The following RBFOX2 variants were observed in gnomAD, a reference collection of about 807,000 sequenced individuals.
RBFOX2 encodes the protein RNA binding fox-1 homolog 2.
In RBFOX2, 10 loss-of-function variants were observed where a neutral mutation model predicts 49.1. That is an observed-to-expected ratio of 0.20 (90% confidence interval 0.13 to 0.35). The LOEUF (loss-of-function observed/expected upper bound fraction) is 0.35. Ranked by LOEUF, RBFOX2 falls within the 10% of genes least tolerant of loss-of-function variation. RBFOX2 has a pLI of 1.00. For missense variants in RBFOX2, 323 were observed against 486.9 expected (o/e 0.66, Z 3.17); for synonymous variants, 183 against 187.4 (o/e 0.98, Z 0.19).
intron 1 of RBFOX2, among the ~76,000 whole-genome samples, chr22:35,938,537 C>G (rs2053354340): frequency 6.6e-6 from 1 of 152,048 alleles, no homozygotes. Context: ...GTCCAGCATT[C>G]AGAATTATAA....
chr22:35,823,632 CCA>C (rs1336087564), intron 1 of RBFOX2, among the ~76,000 whole-genome samples: 2 of 152,052 alleles, frequency 1.3e-5, no homozygotes, highest in Non-Finnish European at 2.9e-5. Flanking sequence ...TCTGTTAATT[CCA>C]GTTTCCTGTA....
In RBFOX2 at chr22:35,766,393, T is replaced by C. The variant is rs534939808; in HGVS notation, c.547-910A>G. Among the ~76,000 whole-genome samples the C allele has an allele frequency of 5.3e-5, 8 of 152,344 alleles. No individual in the cohort carries two copies. In the South Asian group the frequency reaches 1.4e-3, roughly 28 times the overall value. ...AAAAGAAGCATAAAATATAAATGTC[T>C]TATTTTTGCCTCTTCAAATTTACAT... is the stretch of plus-strand genomic sequence containing the variant. On this transcript the variant is annotated intron_variant, in intron 5 of 11. Transcript: ENST00000405409.
intron 1 of RBFOX2, among the ~76,000 whole-genome samples, chr22:35,977,754 ATATATATAC>A: frequency 7.4e-6 from 1 of 135,812 alleles, no homozygotes; most frequent in African/African-American, 2.6e-5. Context: ...ATATATATAT[ATATATATAC>A]ATGCACACAC....
chr22:35,837,509 G>GCA (rs560302690), intron 1 of RBFOX2, among the ~76,000 whole-genome samples: 6,100 of 149,330 alleles, frequency 0.041, 162 homozygotes, highest in Middle Eastern at 0.073. Flanking sequence ...ACACACATGT[G>GCA]CACACACACA....
chr22:35,777,248 G>A (rs1264558865), intron 4 of RBFOX2, among the ~76,000 whole-genome samples: 2 of 152,132 alleles, frequency 1.3e-5, no homozygotes, highest in African/African-American at 4.8e-5. Context: ...CTGACCTCAG[G>A]TGATCCGCCC....
intron 1 of RBFOX2, among the ~76,000 whole-genome samples, chr22:36,015,861 G>C (rs1216037068): frequency 6.6e-6 from 1 of 152,082 alleles, no homozygotes; most frequent in Non-Finnish European, 1.5e-5. Context: ...AGAAGGAAAA[G>C]AAAGAAAAAG....
In RBFOX2 at chr22:35,930,204, A is replaced by G. The variant is rs377315181; in HGVS notation, c.-34+8643T>C. ...CCCCACTAATTTTTGTATTTTTAGT[A>G]GAGATAGGGTTTCCCCATGTTGGCC... On this transcript the variant is annotated intron_variant, in intron 1 of 13. Transcript: ENST00000359369. Among the ~76,000 whole-genome samples the G allele has an allele frequency of 7.9e-5, 12 of 151,834 alleles. No individual in the cohort carries two copies. The East Asian group carries it at 2.2e-3, about 27-fold the overall frequency.
chr22:35,972,148 T>C (rs1367058986), intron 1 of RBFOX2, among the ~76,000 whole-genome samples: 4 of 152,024 alleles, frequency 2.6e-5, no homozygotes, highest in African/African-American at 9.7e-5. Flanking sequence ...CCAAACAGTA[T>C]AGTCTTCATG....
intron 1 of RBFOX2, chr22:35,822,094 G>A: frequency 2.3e-6 from 1 of 440,582 alleles, no homozygotes; most frequent in Non-Finnish European, 4.5e-6. Flanking sequence ...TCCTGAGATG[G>A]TACTCCCCAA....
intron 1 of RBFOX2, among the ~76,000 whole-genome samples, chr22:35,937,352 T>TAA (rs1412477650): frequency 9.9e-5 from 15 of 152,182 alleles, no homozygotes; most frequent in African/African-American, 3.6e-4. Context: ...TAAATGGCCC[T>TAA]ATCTTTTACC....
chr22:35,945,925 C>T (rs1268432026), intron 1 of RBFOX2, among the ~76,000 whole-genome samples: 1 of 152,194 alleles, frequency 6.6e-6, no homozygotes, highest in Non-Finnish European at 1.5e-5. Flanking sequence ...AAAACTCATT[C>T]TACCTCCCTA....
intron 2 of RBFOX2, among the ~76,000 whole-genome samples, chr22:35,802,536 T>G (rs184251456): frequency 6.6e-6 from 1 of 152,272 alleles, no homozygotes; most frequent in East Asian, 1.9e-4. Context: ...CTTAGTTTTA[T>G]CAGGTGAGGG....
chr22:35,905,630 T>C (rs1419409161), intron 1 of RBFOX2, among the ~76,000 whole-genome samples: 1 of 152,190 alleles, frequency 6.6e-6, no homozygotes, highest in African/African-American at 2.4e-5. Flanking sequence ...CCCTTGAATA[T>C]GAATGAATGC....
chr22:35,777,530 C>T (rs1944238240), intron 4 of RBFOX2: 1 of 155,240 alleles, frequency 6.4e-6, no homozygotes, highest in Non-Finnish European at 1.4e-5. Flanking sequence ...AGTTATTGCT[C>T]ACTCTGTTTA....
At chr22:35,983,603 C>T (rs2057565432) in intron 1 of RBFOX2, among the ~76,000 whole-genome samples, 1 of 152,036 alleles carries the variant, frequency 6.6e-6, no homozygotes, top group Non-Finnish European at 1.5e-5. Context: ...GAGAATGACC[C>T]AGAGATGTTA....
intron 1 of RBFOX2, chr22:35,821,968 A>C (rs767388321): frequency 3.9e-6 from 2 of 518,554 alleles, no homozygotes; most frequent in African/African-American, 3.9e-5. Context: ...ACAGAGAAGC[A>C]ATAGCTCTAC....
At chr22:35,782,152 T>G (rs572844587) in intron 2 of RBFOX2, among the ~76,000 whole-genome samples, 2 of 152,228 alleles carry the variant, frequency 1.3e-5, no homozygotes, top group Non-Finnish European at 2.9e-5. Context: ...TACTTAGTTA[T>G]GGAGGTCACT....
At chr22:35,861,381 T>C (rs1395582711) in intron 1 of RBFOX2, among the ~76,000 whole-genome samples, 3 of 152,116 alleles carry the variant, frequency 2.0e-5, no homozygotes, top group South Asian at 2.1e-4. Context: ...TGAGAGAAAA[T>C]GCTTGCAAAG....
chr22:36,014,353 G>A (rs911416501), intron 1 of RBFOX2, among the ~76,000 whole-genome samples: 3 of 151,892 alleles, frequency 2.0e-5, no homozygotes, highest in Middle Eastern at 3.2e-3. Context: ...CTCGTGATCC[G>A]CCCGCCTCAG....
Sources: allele counts gnomAD v4.1 joint callset (sites outside exome capture counted in the v4.1 genomes callset), GRCh38; gene constraint gnomAD v4.1.1; transcripts MANE v1.5; gene names NCBI Gene and HGNC (gene_info 2026-07-23, HGNC 2026-07-21).